RNF170: variants seen among roughly 807,000 people sequenced by gnomAD.
RNF170 encodes E3 ubiquitin-protein ligase RNF170.
Under a neutral mutation model 32.7 loss-of-function variants are expected in RNF170, and 12 were observed. The ratio of observed to expected loss-of-function variants is 0.37; its 90% confidence interval spans 0.24 to 0.60. The LOEUF is 0.60. RNF170 is among the 20% of genes least tolerant of loss of function. The pLI is 0.72. For missense variants in RNF170, 212 were observed against 311.2 expected, an observed-to-expected ratio of 0.68 and a Z score of 2.40; for synonymous variants, 91 against 103.6, an observed-to-expected ratio of 0.88 and a Z score of 0.74.
chr8:42,870,551 AC>A (rs1311631059), intron 3 of RNF170, among the ~76,000 whole-genome samples: 4 of 151,900 alleles, frequency 2.6e-5, no homozygotes, highest in Non-Finnish European at 5.9e-5. Flanking sequence ...ACATGGCAAA[AC>A]CCCATCTCTA....
At chr8:42,883,925 T>C (rs1465012860) in intron 2 of RNF170, among the ~76,000 whole-genome samples, 1 of 152,150 alleles carries the variant, frequency 6.6e-6, no homozygotes, top group East Asian at 1.9e-4. Context: ...ATTATTTCAC[T>C]GATTACCTCA....
Position 42,893,902 on chromosome 8 carries a change from T to G in RNF170, c.-8+2582A>C, listed in dbSNP as rs539277073. Among the ~76,000 whole-genome samples the G allele has an allele frequency of 2.6e-5, 4 of 152,272 alleles. No homozygotes were observed. The East Asian group carries it at 7.7e-4, about 29-fold the overall frequency. ...CTGATAAGCAGCTGTGGGTGAGAAC[T>G]AGCCTCCAACTAACCGGAGTAACCA... On this transcript the variant is annotated intron_variant, in intron 1 of 6. Coordinates refer to ENST00000527424, the MANE Select transcript of RNF170 (RefSeq NM_030954.4).
downstream of RNF170, among the ~76,000 whole-genome samples, chr8:42,853,034 G>A (rs866948094): frequency 2.0e-5 from 3 of 151,690 alleles, no homozygotes; most frequent in Non-Finnish European, 4.4e-5. Flanking sequence ...GCTGAGACAG[G>A]AGGATCACTG....
intron 5 of RNF170, among the ~76,000 whole-genome samples, chr8:42,862,101 C>T (rs1440837544): frequency 6.6e-6 from 1 of 152,052 alleles, no homozygotes; most frequent in Non-Finnish European, 1.5e-5. Context: ...CCTGTCCACA[C>T]CAGGGGTAAA....
chr8:42,850,980 G>C, downstream of RNF170: 1 of 1,551,570 alleles, frequency 6.4e-7, no homozygotes, highest in Non-Finnish European at 8.7e-7. Context: ...TTGCACGGCT[G>C]CTCTTCTCTG....
At chr8:42,868,476 TG>T (rs1466993659) in intron 4 of RNF170, among the ~76,000 whole-genome samples, 22 of 152,326 alleles carry the variant, frequency 1.4e-4, no homozygotes, top group African/African-American at 5.3e-4. Flanking sequence ...CAAATCGAAG[TG>T]GCTTCGAGTG....
At chr8:42,850,645 A>T, downstream of RNF170, 1 of 908,404 alleles carries the variant, frequency 1.1e-6, no homozygotes, top group Non-Finnish European at 1.7e-6. Context: ...GCAGACAGAC[A>T]ATGGAAATGT....
chr8:42,883,806 T>C (rs772985871), intron 2 of RNF170, among the ~76,000 whole-genome samples: 1 of 152,134 alleles, frequency 6.6e-6, no homozygotes, highest in Non-Finnish European at 1.5e-5. Context: ...CAAAATTAAT[T>C]ATAATGACTA....
upstream of RNF170, chr8:42,897,170 C>T (rs1807007363): frequency 1.6e-6 from 2 of 1,247,958 alleles, no homozygotes; most frequent in African/African-American, 1.6e-5. Flanking sequence ...CGGAGCTGTG[C>T]GAGAGCCTCC....
intron 1 of RNF170, 123 bp downstream of exon 1, chr8:42,896,361 C>A (rs374189847): frequency 4.8e-6 from 2 of 418,682 alleles, no homozygotes. Flanking sequence ...GGGAAGGAGG[C>A]GGCGACTCCC....
At position 42,888,123 on chromosome 8, in the gene RNF170, G is replaced by C. The variant is rs181498827; in HGVS notation, c.-7-252C>G. On this transcript the variant is annotated intron_variant, in intron 1 of 6. Transcript: ENST00000527424. ...CTCTGTTGCCAGGCTGGAGTGCAGT[G>C]ATGCGGATCTCAGCTCACTGCAACG... Among the ~76,000 whole-genome samples the C allele has an allele frequency of 1.6e-3, 238 of 152,156 alleles. 1 individual carries two copies. Among genetic ancestry groups the C allele is most frequent in the African/African-American group, 4.9e-3 (204 of 41,520 alleles).
intron 1 of RNF170, among the ~76,000 whole-genome samples, chr8:42,888,296 C>A (rs1309730852): frequency 1.3e-5 from 2 of 151,984 alleles, no homozygotes; most frequent in Non-Finnish European, 2.9e-5. Flanking sequence ...GATCTCCTGA[C>A]CTCGTGATCC....
At chr8:42,851,362 G>A (rs1220988505), downstream of RNF170, among the ~76,000 whole-genome samples, 1 of 152,050 alleles carries the variant, frequency 6.6e-6, no homozygotes, top group African/African-American at 2.4e-5. Context: ...AGGAGTTCCA[G>A]ACCAGCCTGG....
intron 1 of RNF170, among the ~76,000 whole-genome samples, chr8:42,894,885 C>T (rs188329846): frequency 8.5e-5 from 13 of 152,122 alleles, no homozygotes; most frequent in South Asian, 2.1e-4. Context: ...GTTTCTCTGC[C>T]CTTGGTGTAG....
At chr8:42,850,937 G>C (rs1315634434), downstream of RNF170, 2 of 1,551,698 alleles carry the variant, frequency 1.3e-6, no homozygotes, top group Admixed American at 2.0e-5. Context: ...TGTGTGTCCA[G>C]GCATGCAACA....
At chr8:42,886,183 C>T (rs1417745333) in intron 2 of RNF170, among the ~76,000 whole-genome samples, 5 of 151,570 alleles carry the variant, frequency 3.3e-5, no homozygotes, top group African/African-American at 9.7e-5. Flanking sequence ...GAGATCACGC[C>T]ACTGCACTCC....
chr8:42,850,536 CACTA>C, downstream of RNF170: 1 of 526,890 alleles, frequency 1.9e-6, no homozygotes, highest in African/African-American at 1.9e-5. Context: ...ATGTGTTGAG[CACTA>C]CTGTGGTGGC....
At chr8:42,883,246 C>A (rs4737078) in intron 2 of RNF170, among the ~76,000 whole-genome samples, 2 of 151,802 alleles carry the variant, frequency 1.3e-5, no homozygotes, top group South Asian at 2.1e-4. Flanking sequence ...ATCACTATTA[C>A]GCAACATACC....
intron 3 of RNF170, 122 bp from the exon 4 acceptor site, chr8:42,870,234 G>T: frequency 1.4e-6 from 1 of 734,770 alleles, no homozygotes; most frequent in Non-Finnish European, 2.5e-6. Flanking sequence ...CTGTAAACGT[G>T]CAATAGTTTA....
Sources: gnomAD v4.1 joint callset for allele counts (sites outside exome capture counted in the v4.1 genomes callset) on GRCh38, gnomAD v4.1.1 for gene constraint, MANE v1.5 for transcripts, NCBI Gene and HGNC (gene_info 2026-07-23, HGNC 2026-07-21) for gene names.